The following PPP3CA variants were observed in gnomAD, a reference collection of about 807,000 sequenced individuals.
PPP3CA encodes protein phosphatase 3 catalytic subunit alpha.
PPP3CA carries 14 observed loss-of-function variants against 66.5 expected under a neutral mutation model. The observed-to-expected ratio is 0.21, with a 90% CI of 0.14 to 0.33. The LOEUF (loss-of-function observed/expected upper bound fraction) is 0.33. Ranked by LOEUF, PPP3CA falls within the 10% of genes least tolerant of loss-of-function variation. The probability of loss-of-function intolerance (pLI) is 1.00; values close to 1 mark genes in which losing one functional copy is unlikely to be tolerated. For missense variants in PPP3CA, 317 were observed against 639.5 expected (o/e 0.50, Z 5.44); for synonymous variants, 232 against 226.2 (o/e 1.03, Z -0.23).
At chr4:101,106,468 A>AGAAAG (rs1560605272) in intron 3 of PPP3CA, among the ~76,000 whole-genome samples, 1 of 46,134 alleles carries the variant, frequency 2.2e-5, no homozygotes. Flanking sequence ...AAGAAAAGAA[A>AGAAAG]AGAAAAGAAA....
intron 2 of PPP3CA, among the ~76,000 whole-genome samples, chr4:101,133,400 G>A (rs553390274): frequency 8.5e-4 from 130 of 152,210 alleles, no homozygotes; most frequent in African/African-American, 3.0e-3. Context: ...CTTCAGCAAA[G>A]TCTCAGGATA....
intron 1 of PPP3CA, among the ~76,000 whole-genome samples, chr4:101,319,170 G>GAAA (rs752226737): frequency 2.5e-4 from 22 of 88,980 alleles, no homozygotes; most frequent in Non-Finnish European, 4.9e-4. Flanking sequence ...ATACCATATT[G>GAAA]AAAAAAAAAA....
intron 1 of PPP3CA, among the ~76,000 whole-genome samples, chr4:101,222,017 A>G (rs1032945): frequency 0.83 from 124,651 of 150,978 alleles, 51,913 homozygotes; most frequent in African/African-American, 0.89. Flanking sequence ...GTTTTCTTTA[A>G]CGATCTATTG....
intron 1 of PPP3CA, among the ~76,000 whole-genome samples, chr4:101,286,053 G>A (rs909154231): frequency 6.6e-6 from 1 of 152,144 alleles, no homozygotes; most frequent in African/African-American, 2.4e-5. Context: ...GTTTCAGGAT[G>A]AAACTGTTTC....
intron 2 of PPP3CA, among the ~76,000 whole-genome samples, chr4:101,152,353 GTGTT>G (rs757256065): frequency 2.0e-5 from 3 of 152,102 alleles, no homozygotes; most frequent in Non-Finnish European, 4.4e-5. Flanking sequence ...ACTAGCAGAA[GTGTT>G]TGTAAGTAAA....
At chr4:101,265,705 TAAA>T (rs1560688467) in intron 1 of PPP3CA, among the ~76,000 whole-genome samples, 2 of 151,946 alleles carry the variant, frequency 1.3e-5, no homozygotes, top group Non-Finnish European at 2.9e-5. Flanking sequence ...ATAACCCAAA[TAAA>T]AACCACACAA....
chr4:101,154,808 A>ATTTTTTTT lies in PPP3CA; in HGVS notation c.259+41100_259+41107dup, dbSNP rs779695561. Among the ~76,000 whole-genome samples, 57 of 90,586 alleles carry ATTTTTTTT rather than the reference A, an allele frequency of 6.3e-4. 5 individuals are homozygous for ATTTTTTTT. Among genetic ancestry groups the ATTTTTTTT allele is most frequent in the African/African-American group, 2.1e-3 (41 of 19,584 alleles). The allele number at this position is 90,586 out of a possible 152,430, so 59.4% of individuals were successfully genotyped here. On this transcript the variant is annotated intron_variant, in intron 2 of 13. Coordinates refer to ENST00000394854, the MANE Select transcript of PPP3CA (RefSeq NM_000944.5). ...GCTTCAGAACACATTCACTCCCAGA[A>ATTTTTTTT]TTTTTTTTTTTTTTTTTTTTTTTTT...
At chr4:101,333,290 T>G (rs6851359) in intron 1 of PPP3CA, among the ~76,000 whole-genome samples, 1,712 of 116,818 alleles carry the variant, frequency 0.015, 104 homozygotes, top group African/African-American at 0.058. Context: ...TTTTTTTTTT[T>G]TTTTTTTTTT....
chr4:101,246,779 A>C (rs1021081811), intron 1 of PPP3CA, among the ~76,000 whole-genome samples: 4 of 152,062 alleles, frequency 2.6e-5, no homozygotes, highest in Non-Finnish European at 2.9e-5. Context: ...TATATATATA[A>C]AGTTAAAGGG....
intron 1 of PPP3CA, among the ~76,000 whole-genome samples, chr4:101,283,518 A>G (rs1274156130): frequency 6.6e-6 from 1 of 152,254 alleles, no homozygotes; most frequent in African/African-American, 2.4e-5. Context: ...AATTAACAAA[A>G]TAAGAGTATT....
chr4:101,296,347 T>C (rs1386887369), intron 1 of PPP3CA, among the ~76,000 whole-genome samples: 2 of 152,160 alleles, frequency 1.3e-5, no homozygotes, highest in East Asian at 1.9e-4. Context: ...ATAAGTATTT[T>C]GTATGTGAAA....
intron 1 of PPP3CA, among the ~76,000 whole-genome samples, chr4:101,230,515 G>A (rs937151975): frequency 9.3e-5 from 14 of 151,332 alleles, no homozygotes; most frequent in African/African-American, 3.2e-4. Context: ...AGAGAGACCC[G>A]TTTCAAATAA....
intron 2 of PPP3CA, among the ~76,000 whole-genome samples, chr4:101,145,954 C>T (rs2110294821): frequency 6.6e-6 from 1 of 152,204 alleles, no homozygotes; most frequent in East Asian, 1.9e-4. Context: ...TAATCTTGTC[C>T]CTTTGAACTA....
At chr4:101,271,147 A>T (rs1219990132) in intron 1 of PPP3CA, among the ~76,000 whole-genome samples, 2 of 152,072 alleles carry the variant, frequency 1.3e-5, no homozygotes, top group African/African-American at 4.8e-5. Context: ...TGTCTTCTCA[A>T]ATCTTCTGGA....
At chr4:101,333,996 G>A (rs926579877) in intron 1 of PPP3CA, among the ~76,000 whole-genome samples, 1 of 152,204 alleles carries the variant, frequency 6.6e-6, no homozygotes, top group African/African-American at 2.4e-5. Context: ...ACACATACGT[G>A]AGCAGGATGG....
intron 2 of PPP3CA, among the ~76,000 whole-genome samples, chr4:101,138,621 T>C (rs1175142621): frequency 6.6e-6 from 1 of 152,206 alleles, no homozygotes; most frequent in Non-Finnish European, 1.5e-5. Context: ...GTCATGTTGG[T>C]ACTCAAAAAG....
At chr4:101,210,316 C>G (rs73833271) in intron 1 of PPP3CA, among the ~76,000 whole-genome samples, 2 of 152,226 alleles carry the variant, frequency 1.3e-5, no homozygotes, top group South Asian at 2.1e-4. Flanking sequence ...GAATTTCAAA[C>G]ATTTCTTCAA....
At chr4:101,273,791 G>T (rs1727407037) in intron 1 of PPP3CA, among the ~76,000 whole-genome samples, 1 of 151,974 alleles carries the variant, frequency 6.6e-6, no homozygotes, top group Non-Finnish European at 1.5e-5. Flanking sequence ...AGCAAAAATG[G>T]CCAAGAGTGA....
chr4:101,196,198 T>G, intron 1 of PPP3CA, 82 bp from the exon 2 acceptor site: 1 of 1,271,144 alleles, frequency 7.9e-7, no homozygotes, highest in Non-Finnish European at 1.1e-6. Flanking sequence ...ATATCCATCC[T>G]CATCACAAAC....
Sources: allele counts gnomAD v4.1 joint callset (sites outside exome capture counted in the v4.1 genomes callset), GRCh38; gene constraint gnomAD v4.1.1; transcripts MANE v1.5; gene names NCBI Gene and HGNC (gene_info 2026-07-23, HGNC 2026-07-21).